CSNK2A2IP: variants seen among roughly 807,000 people sequenced by gnomAD.
The protein encoded by CSNK2A2IP is casein kinase II subunit alpha'-interacting protein.
At chr3:88,426,195 T>C in the CSNK2A2IP span, among the ~76,000 whole-genome samples, 12 of 152,220 alleles carry the variant, frequency 7.9e-5, no homozygotes, top group African/African-American at 2.9e-4. Context: ...ATCTTGTTTT[T>C]GCTTTTTTGA....
the CSNK2A2IP span, among the ~76,000 whole-genome samples, chr3:88,406,146 C>T: frequency 1.3e-5 from 2 of 151,854 alleles, no homozygotes. Context: ...GAAAATAAAC[C>T]TGAATGATTT....
the CSNK2A2IP span, among the ~76,000 whole-genome samples, chr3:88,388,530 T>G: frequency 3.5e-4 from 54 of 152,346 alleles, no homozygotes; most frequent in South Asian, 4.8e-3. Context: ...AGTGCAAATG[T>G]ACAGAATCTA....
the CSNK2A2IP span, among the ~76,000 whole-genome samples, chr3:88,447,583 A>T: frequency 6.6e-6 from 1 of 152,124 alleles, no homozygotes; most frequent in South Asian, 2.1e-4. Context: ...TTTGAAAAGG[A>T]TATATTTAAT....
the CSNK2A2IP span, among the ~76,000 whole-genome samples, chr3:88,448,251 T>A: frequency 1.3e-5 from 2 of 152,220 alleles, no homozygotes; most frequent in Non-Finnish European, 2.9e-5. Context: ...AAATGTTTGA[T>A]TCCTATGCAA....
the CSNK2A2IP span, among the ~76,000 whole-genome samples, chr3:88,366,348 C>T: frequency 5.3e-5 from 8 of 152,204 alleles, no homozygotes; most frequent in South Asian, 1.7e-3. Context: ...TTGTTGTCAT[C>T]ATGTTCTGGA....
the CSNK2A2IP span, among the ~76,000 whole-genome samples, chr3:88,463,252 A>AG: frequency 3.6e-5 from 3 of 82,618 alleles, no homozygotes; most frequent in East Asian, 6.0e-4. Flanking sequence ...TGATCACTTT[A>AG]GTTTTTTTTT....
the CSNK2A2IP span, among the ~76,000 whole-genome samples, chr3:88,352,663 C>T: frequency 1.3e-5 from 2 of 152,016 alleles, no homozygotes; most frequent in African/African-American, 4.8e-5. Context: ...ACTGCGGCCT[C>T]AACCTCCCAG....
the CSNK2A2IP span, among the ~76,000 whole-genome samples, chr3:88,363,279 T>C: frequency 1.3e-5 from 2 of 152,192 alleles, no homozygotes; most frequent in South Asian, 4.1e-4. Context: ...TAATATTTCC[T>C]ATACTTATAT....
At chr3:88,362,090 C>T in the CSNK2A2IP span, among the ~76,000 whole-genome samples, 2 of 152,000 alleles carry the variant, frequency 1.3e-5, no homozygotes, top group African/African-American at 4.8e-5. Context: ...TCACTGAAGG[C>T]TTGATCACAG....
At chr3:88,440,388 T>C in the CSNK2A2IP span, among the ~76,000 whole-genome samples, 1 of 152,088 alleles carries the variant, frequency 6.6e-6, no homozygotes, top group Non-Finnish European at 1.5e-5. Flanking sequence ...TTAATACATA[T>C]ATTGAATATA....
At chr3:88,440,278 G>A in the CSNK2A2IP span, among the ~76,000 whole-genome samples, 4 of 152,124 alleles carry the variant, frequency 2.6e-5, no homozygotes, top group Non-Finnish European at 4.4e-5. Flanking sequence ...CTAAAATTTA[G>A]AACTATTTTT....
chr3:88,457,619 C>T, the CSNK2A2IP span, among the ~76,000 whole-genome samples: 1 of 151,548 alleles, frequency 6.6e-6, no homozygotes, highest in Non-Finnish European at 1.5e-5. Context: ...ATCGCTTGAA[C>T]TGGGAGGCAG....
chr3:88,433,367 GT>G, the CSNK2A2IP span, among the ~76,000 whole-genome samples: 1 of 151,776 alleles, frequency 6.6e-6, no homozygotes, highest in Admixed American at 6.6e-5. Context: ...CAATTACTAA[GT>G]TGTTTTAAAT....
chr3:88,348,656 C>T, the CSNK2A2IP span, among the ~76,000 whole-genome samples: 1 of 151,960 alleles, frequency 6.6e-6, no homozygotes, highest in South Asian at 2.1e-4. Context: ...CCTGAAAACC[C>T]TTTTGTATTC....
At chr3:88,395,429 C>A in the CSNK2A2IP span, among the ~76,000 whole-genome samples, 1 of 152,094 alleles carries the variant, frequency 6.6e-6, no homozygotes, top group Non-Finnish European at 1.5e-5. Context: ...AAAACATTAT[C>A]TTTCATTTTG....
At chr3:88,365,634 A>T in the CSNK2A2IP span, among the ~76,000 whole-genome samples, 1 of 152,142 alleles carries the variant, frequency 6.6e-6, no homozygotes, top group Non-Finnish European at 1.5e-5. Context: ...AAAGATCCTT[A>T]TATCATTGTT....
At chr3:88,346,601 G>A in the CSNK2A2IP span, among the ~76,000 whole-genome samples, 1 of 151,936 alleles carries the variant, frequency 6.6e-6, no homozygotes, top group African/African-American at 2.4e-5. Flanking sequence ...ACAGCAATCT[G>A]TTTACAGGGT....
chr3:88,372,720 C>T, the CSNK2A2IP span, among the ~76,000 whole-genome samples: 32 of 151,282 alleles, frequency 2.1e-4, no homozygotes, highest in South Asian at 6.2e-4. Context: ...ATCTTGCCTA[C>T]GAGAGATGTA....
the CSNK2A2IP span, among the ~76,000 whole-genome samples, chr3:88,426,889 T>TGGGGGGG: frequency 1.2e-4 from 15 of 123,798 alleles, no homozygotes; most frequent in South Asian, 2.9e-4. Flanking sequence ...CCACGGGGGA[T>TGGGGGGG]GGGGGGGGGC....
Sources: allele counts gnomAD v4.1 joint callset (sites outside exome capture counted in the v4.1 genomes callset), GRCh38; gene constraint gnomAD v4.1.1; transcripts MANE v1.5; gene names NCBI Gene and HGNC (gene_info 2026-07-23, HGNC 2026-07-21).